Variants in HMGN5 observed in about 807,000 individuals in gnomAD.
HMGN5 encodes the protein high mobility group nucleosome-binding domain-containing protein 5.
In HMGN5, 4 loss-of-function variants were observed where a neutral mutation model predicts 9.5. That is an observed-to-expected ratio of 0.42 (90% CI 0.21 to 0.96). The LOEUF is 0.96. HMGN5 is among the 40% of genes least tolerant of loss of function. The probability of loss-of-function intolerance (pLI) is 0.30; values close to 1 mark genes in which losing one functional copy is unlikely to be tolerated. For missense variants in HMGN5, 192 were observed against 187.5 expected (o/e 1.02, Z -0.14); for synonymous variants, 55 against 57.1 (o/e 0.96, Z 0.16).
intron 1 of HMGN5, among the ~76,000 whole-genome samples, chrX:81,150,366 C>T (rs2075357566): frequency 9.0e-6 from 1 of 110,746 alleles, no homozygotes; most frequent in Non-Finnish European, 1.9e-5. Context: ...GAGTTTGAGA[C>T]CAGCCTAGCC....
At chrX:81,127,114 G>A (rs771237625) in intron 1 of HMGN5, among the ~76,000 whole-genome samples, 1 of 111,601 alleles carries the variant, frequency 9.0e-6, no homozygotes, top group Non-Finnish European at 1.9e-5. Context: ...AAAGTTTTGC[G>A]GCTATTGTGG....
At chrX:81,118,159 T>C (rs754625475) in intron 5 of HMGN5, among the ~76,000 whole-genome samples, 3 of 111,146 alleles carry the variant, frequency 2.7e-5, no homozygotes, top group Non-Finnish European at 5.7e-5. Context: ...GTATTGTCAC[T>C]ATATGATAGC....
intron 1 of HMGN5, among the ~76,000 whole-genome samples, chrX:81,177,989 A>G (rs1416172289): frequency 1.8e-5 from 2 of 112,222 alleles, no homozygotes; most frequent in African/African-American, 6.5e-5. Context: ...AAATGAAGGC[A>G]GAAATAAAGA....
At chrX:81,186,309 G>A (rs1801108465) in intron 1 of HMGN5, among the ~76,000 whole-genome samples, 1 of 111,630 alleles carries the variant, frequency 9.0e-6, no homozygotes, top group Non-Finnish European at 1.9e-5. Flanking sequence ...GATCTGTCCA[G>A]GTTTTGGATT....
intron 5 of HMGN5, 62 bp downstream of exon 5, chrX:81,118,370 T>G (rs956079872): frequency 1.4e-6 from 1 of 716,010 alleles, no homozygotes; most frequent in Non-Finnish European, 2.1e-6. Context: ...TGTATGCCAT[T>G]TCAAAAATTA....
chrX:81,130,602 A>T (rs187287170), intron 1 of HMGN5, among the ~76,000 whole-genome samples: 1 of 111,348 alleles, frequency 9.0e-6, no homozygotes, highest in East Asian at 2.8e-4. Context: ...CAAATAGAGA[A>T]TTAATTATGC....
At position 81,115,084 on chromosome X, in the gene HMGN5, G is replaced by A. The variant is rs749855544; in HGVS notation, c.414C>T (p.Asn138=). The change falls in exon 7 of 7, where the codon AAC becomes AAT. Residue 138 remains asparagine, a synonymous_variant. Transcript: ENST00000358130. The part of the protein sequence containing the change: ...EDQKEDEEDQ[N]EEKGEAGKED... Reference sequence around the variant, plus strand: ...CTTTTCCAGCTTCCCCTTTCTCTTCGTTTTGATCTTCTTCATCTTCTTTCT... The same window carrying A: ...CTTTTCCAGCTTCCCCTTTCTCTTCATTTTGATCTTCTTCATCTTCTTTCT... 26 of 1,136,758 alleles carry A rather than the reference G, an allele frequency of 2.3e-5. No individual in the cohort carries two copies. In the East Asian group the frequency reaches 5.7e-4, roughly 25 times the overall value. 93.7% of individuals were successfully genotyped at this position (1,136,758 alleles called of 1,213,427 possible).
At chrX:81,167,728 G>T (rs2075415022) in intron 1 of HMGN5, among the ~76,000 whole-genome samples, 1 of 111,967 alleles carries the variant, frequency 8.9e-6, no homozygotes, top group South Asian at 3.7e-4. Context: ...GTTATATTTT[G>T]CATTGGTCTA....
chrX:81,172,766 G>GA (rs1032576438), intron 1 of HMGN5, among the ~76,000 whole-genome samples: 15 of 110,537 alleles, frequency 1.4e-4, no homozygotes, highest in Non-Finnish European at 2.7e-4. Context: ...TGAAAAACTG[G>GA]AAAAAATATT....
At chrX:81,173,640 T>TTA (rs1455478512) in intron 1 of HMGN5, among the ~76,000 whole-genome samples, 1 of 112,292 alleles carries the variant, frequency 8.9e-6, no homozygotes, top group Non-Finnish European at 1.9e-5. Context: ...TTTGTGTGTT[T>TTA]TATATATATA....
At chrX:81,118,282 AG>A in intron 5 of HMGN5, 149 bp downstream of exon 5, 1 of 360,029 alleles carries the variant, frequency 2.8e-6, no homozygotes, top group Non-Finnish European at 4.8e-6. Flanking sequence ...TCCCCACCCA[AG>A]GGGTTTACAT....
chrX:81,193,894 T>A (rs1234510036), intron 1 of HMGN5, among the ~76,000 whole-genome samples: 1 of 111,450 alleles, frequency 9.0e-6, no homozygotes, highest in Non-Finnish European at 1.9e-5. Flanking sequence ...AAGACCAAAG[T>A]AGGAGAATTT....
intron 6 of HMGN5, among the ~76,000 whole-genome samples, chrX:81,115,613 A>G (rs1188800875): frequency 8.9e-6 from 1 of 112,176 alleles, no homozygotes; most frequent in Non-Finnish European, 1.9e-5. Flanking sequence ...GGAAAATAAC[A>G]TATTTTGTTT....
At chrX:81,194,053 G>A (rs2075501022) in intron 1 of HMGN5, among the ~76,000 whole-genome samples, 1 of 111,592 alleles carries the variant, frequency 9.0e-6, no homozygotes, top group Non-Finnish European at 1.9e-5. Flanking sequence ...GACAAAGATG[G>A]TATTGCAAAA....
At chrX:81,184,361 G>A (rs1428978767) in intron 1 of HMGN5, among the ~76,000 whole-genome samples, 3 of 111,552 alleles carry the variant, frequency 2.7e-5, no homozygotes, top group African/African-American at 3.3e-5. Flanking sequence ...AGTTTCCTGA[G>A]ACCTTCCCAG....
intron 1 of HMGN5, among the ~76,000 whole-genome samples, chrX:81,125,546 C>T (rs1253610845): frequency 9.0e-6 from 1 of 111,283 alleles, no homozygotes; most frequent in Non-Finnish European, 1.9e-5. Context: ...TGCAGCAGGC[C>T]AAAGACTAAT....
chrX:81,185,302 T>C (rs2075474307), intron 1 of HMGN5, among the ~76,000 whole-genome samples: 1 of 111,979 alleles, frequency 8.9e-6, no homozygotes, highest in Non-Finnish European at 1.9e-5. Context: ...ATCAATGTTT[T>C]ATAGTTTTTA....
At chrX:81,141,653 G>A (rs932851304) in intron 1 of HMGN5, among the ~76,000 whole-genome samples, 1 of 111,723 alleles carries the variant, frequency 9.0e-6, no homozygotes, top group Non-Finnish European at 1.9e-5. Context: ...GGCTTTGGAA[G>A]CATCCCAAAA....
In HMGN5 at chrX:81,114,730, T is replaced by G. The variant is rs777581667; in HGVS notation, c.768A>C (p.Leu256Phe). Residue 256 changes from leucine (L) to phenylalanine (F), a missense_variant, in exon 7 of 7, where the codon TTA becomes TTC. Transcript: ENST00000358130. Reference protein sequence around the residue: ...EEEAGKEKEDLKEEEEGKEED... With the variant: ...EEEAGKEKEDFKEEEEGKEED... ...CCTCTTTTCCTTCTTCCTCTTCTTT[T>G]AAATCTTCTTTCTCTTTTCCAGCTT... 1 of 1,162,917 alleles carries G rather than the reference T, an allele frequency of 8.6e-7. No homozygotes were observed. The highest frequency in any genetic ancestry group is 1.1e-6 in the Non-Finnish European group (1 of 871,415).
Sources: allele counts gnomAD v4.1 joint callset (sites outside exome capture counted in the v4.1 genomes callset), GRCh38; gene constraint gnomAD v4.1.1; transcripts MANE v1.5; gene names NCBI Gene and HGNC (gene_info 2026-07-23, HGNC 2026-07-21).